The following NARS1 variants were observed in gnomAD, a reference collection of about 807,000 sequenced individuals.
NARS1 encodes the protein asparaginyl-tRNA synthetase 1, also known as asparagine--tRNA ligase, cytoplasmic.
NARS1 carries 65 observed loss-of-function variants against 79.2 expected under a neutral mutation model. The observed-to-expected ratio is 0.82, with a 90% CI of 0.67 to 1.01. The LOEUF (loss-of-function observed/expected upper bound fraction) is 1.01, where lower values mean the gene tolerates loss of function less well. Among genes scored for constraint, NARS1 ranks in the 50% least tolerant of loss-of-function variants. The pLI, the probability that NARS1 is intolerant of heterozygous loss-of-function variation, is 0.00. For synonymous variants in NARS1, 229 were observed against 238.8 expected, an observed-to-expected ratio of 0.96 and a Z score of 0.38; for missense variants, 649 against 673.8, an observed-to-expected ratio of 0.96 and a Z score of 0.41.
chr18:57,621,661 C>T, intron 1 of NARS1, 47 bp downstream of exon 1: 1 of 1,539,564 alleles, frequency 6.5e-7, no homozygotes, highest in Non-Finnish European at 8.9e-7. Flanking sequence ...GAGCAGAGTT[C>T]CTGCCCCAGG....
Position 57,609,379 on chromosome 18 carries a change from T to G in NARS1, c.557A>C (p.Asn186Thr). The G allele has an allele frequency of 6.2e-7, 1 of 1,613,990 alleles. No homozygotes were observed. The highest frequency in any genetic ancestry group is 8.5e-7 in the Non-Finnish European group (1 of 1,179,942). ...ESSVAVYGML[N>T]LTPKGKQAPG... Reference sequence around the variant, plus strand: ...CACCTGCTTGCCCTTTGGGGTAAGATTTAGCATTCCATACACTGCAACACT... The same window carrying G: ...CACCTGCTTGCCCTTTGGGGTAAGAGTTAGCATTCCATACACTGCAACACT... Residue 186 changes from asparagine (N) to threonine (T), a missense_variant, in exon 7 of 14, where the codon AAT (asparagine) becomes ACT (threonine). Transcript: ENST00000256854.
chr18:57,609,319 A>T, intron 7 of NARS1, 38 bp downstream of exon 7: 2 of 1,475,674 alleles, frequency 1.4e-6, no homozygotes, highest in Non-Finnish European at 9.5e-7. Context: ...CAATAAATAA[A>T]CTATTCATTC....
intron 2 of NARS1, 113 bp from the exon 3 acceptor site, chr18:57,616,088 A>G: frequency 1.0e-6 from 1 of 960,780 alleles, no homozygotes; most frequent in Non-Finnish European, 1.5e-6. Context: ...AGACCCCAAC[A>G]GCCAAAAGCT....
intron 4 of NARS1, 55 bp from the exon 5 acceptor site, chr18:57,613,735 CT>C: frequency 2.8e-6 from 4 of 1,414,382 alleles, no homozygotes; most frequent in Non-Finnish European, 3.0e-6. Context: ...TACACACCAA[CT>C]TTTTCACTAA....
At chr18:57,615,468 C>G (rs1249126710) in intron 4 of NARS1, among the ~76,000 whole-genome samples, 173 bp downstream of exon 4, 4 of 152,112 alleles carry the variant, frequency 2.6e-5, no homozygotes, top group African/African-American at 9.7e-5. Flanking sequence ...AACCACTGCA[C>G]TCCAGCCTGG....
intron 7 of NARS1, 116 bp from the exon 8 acceptor site, chr18:57,607,781 C>T (rs2051571674): frequency 1.3e-6 from 1 of 786,816 alleles, no homozygotes. Flanking sequence ...TTAAGAACCT[C>T]CTAATTCTCA....
chr18:57,614,432 C>T (rs1483668311), intron 4 of NARS1, among the ~76,000 whole-genome samples: 10 of 151,982 alleles, frequency 6.6e-5, no homozygotes, highest in African/African-American at 2.4e-4. Flanking sequence ...ACCCGGGAGG[C>T]GGAGGTTGCA....
In NARS1 at chr18:57,605,876, G is replaced by T. The variant is rs1480074358; in HGVS notation, c.1232C>A (p.Thr411Asn). ...KEHDVKKEDGTFYEFGEDIPE... is the reference protein window; with the variant it reads ...KEHDVKKEDGNFYEFGEDIPE... ...ACATACTTCTCCAAATTCATAGAAA[G>T]TTCCATCTTCTTTCTTTACATCATG... The change falls in exon 11 of 14, where the codon ACT becomes AAT. Residue 411 changes from threonine (T) to asparagine (N), a missense_variant. By Grantham distance (65) the Thr-to-Asn change is moderately conservative. Coordinates refer to ENST00000256854, the MANE Select transcript of NARS1 (RefSeq NM_004539.4). 6.2e-7 allele frequency: 1 copy of T among 1,607,942 alleles called. No homozygotes were observed. The highest frequency in any genetic ancestry group is 8.5e-7 in the Non-Finnish European group (1 of 1,175,476).
chr18:57,602,602 G>T, intron 12 of NARS1, 116 bp from the exon 13 acceptor site: 2 of 1,277,290 alleles, frequency 1.6e-6, no homozygotes, highest in Non-Finnish European at 2.2e-6. Flanking sequence ...GAGCCACTAT[G>T]ATCATGTAAT....
chr18:57,621,783 AACGTGCACCGGCGGTTTC>A lies in NARS1; in HGVS notation c.-84_-67del, dbSNP rs1908316813. The A allele has an allele frequency of 6.2e-7, 1 of 1,611,958 alleles. No homozygotes were observed. The highest frequency in any genetic ancestry group is 8.5e-7 in the Non-Finnish European group (1 of 1,179,562). ...AACACCGACGCCGTCTTATGACTCC[AACGTGCACCGGCGGTTTC>A]CGCGATTCCGGCGTTGCATCAGAGA... is the stretch of plus-strand genomic sequence containing the variant. On this transcript the variant is annotated 5_prime_UTR_variant, in exon 1 of 14. Coordinates refer to ENST00000256854, the MANE Select transcript of NARS1 (RefSeq NM_004539.4).
chr18:57,615,761 A>G, intron 3 of NARS1, 31 bp from the exon 4 acceptor site: 1 of 1,610,496 alleles, frequency 6.2e-7, no homozygotes, highest in Non-Finnish European at 8.5e-7. Context: ...GTTTGTTAAC[A>G]TGGTTGCCAG....
At chr18:57,616,535 G>A (rs1302898820) in intron 2 of NARS1, among the ~76,000 whole-genome samples, 1 of 152,006 alleles carries the variant, frequency 6.6e-6, no homozygotes, top group African/African-American at 2.4e-5. Flanking sequence ...AGGAAAAGCA[G>A]ACTATAAGCA....
intron 7 of NARS1, among the ~76,000 whole-genome samples, chr18:57,609,050 C>CT (rs2051584170): frequency 6.6e-6 from 1 of 152,182 alleles, no homozygotes; most frequent in Non-Finnish European, 1.5e-5. Flanking sequence ...ACAGGGGCTC[C>CT]TGGGCCTTTG....
intron 4 of NARS1, among the ~76,000 whole-genome samples, chr18:57,614,648 T>C (rs987440431): frequency 6.6e-6 from 1 of 152,210 alleles, no homozygotes; most frequent in African/African-American, 2.4e-5. Context: ...TCTATTTAAA[T>C]AAAACATGAA....
In NARS1 at chr18:57,607,208, T is replaced by G; in HGVS notation, c.927A>C (p.Pro309=). The G allele has an allele frequency of 6.2e-7, 1 of 1,614,152 alleles. No individual in the cohort carries two copies. The highest frequency in any genetic ancestry group is 8.5e-7 in the Non-Finnish European group (1 of 1,180,036). Residue 309 remains proline, a synonymous_variant, in exon 9 of 14, where the codon CCA becomes CCC. Transcript: ENST00000256854. The stretch of plus-strand genomic sequence containing the variant: ...CAATACAAAAAACATCTCCCAGGGC[T>G]GGGAGGCAGGTCTCCAAGTACAACT... ...SSQLYLETCL[P]ALGDVFCIAQ...
intron 11 of NARS1, among the ~76,000 whole-genome samples, chr18:57,605,153 A>C (rs1419513439): frequency 6.1e-5 from 9 of 148,688 alleles, no homozygotes; most frequent in African/African-American, 2.0e-4. Context: ...ATATATATAT[A>C]TCTATATACC....
intron 1 of NARS1, among the ~76,000 whole-genome samples, chr18:57,621,246 G>GTC (rs1278282354): frequency 6.6e-6 from 1 of 150,912 alleles, no homozygotes; most frequent in Non-Finnish European, 1.5e-5. Flanking sequence ...ATCCATCCAG[G>GTC]TCTCTCTCTT....
rs757804212 is a variant in NARS1, at chr18:57,606,695, C to T, written c.1058G>A (p.Arg353Gln). The T allele has an allele frequency of 1.1e-5, 17 of 1,614,106 alleles. No individual in the cohort carries two copies. The highest frequency in any genetic ancestry group is 8.9e-5 in the East Asian group (4 of 44,870). ...PFLTFDDLLN[R>Q]LEDLVCDVVD... The stretch of plus-strand genomic sequence containing the variant: ...CACATCACAAACCAAGTCCTCCAAC[C>T]GGTTCAGGAGGTCGTCAAAAGTCAG... The change falls in exon 10 of 14, where the codon CGG (arginine) becomes CAG (glutamine). Residue 353 changes from arginine to glutamine, a missense_variant. By Grantham distance (43) the Arg-to-Gln change is conservative. Coordinates refer to ENST00000256854, the MANE Select transcript of NARS1 (RefSeq NM_004539.4).
intron 11 of NARS1, among the ~76,000 whole-genome samples, chr18:57,604,991 C>A (rs2051540865): frequency 6.6e-6 from 1 of 152,020 alleles, no homozygotes; most frequent in South Asian, 2.1e-4. Flanking sequence ...TTCTCCAAGA[C>A]CTTCTCTCTT....
Sources: allele counts gnomAD v4.1 joint callset (sites outside exome capture counted in the v4.1 genomes callset), GRCh38; gene constraint gnomAD v4.1.1; transcripts MANE v1.5; gene names NCBI Gene and HGNC (gene_info 2026-07-23, HGNC 2026-07-21).